Variants in STAU2 observed in about 807,000 individuals in gnomAD.
STAU2 encodes double-stranded RNA-binding protein Staufen homolog 2.
STAU2 carries 20 observed loss-of-function variants against 65.9 expected under a neutral mutation model. The ratio of observed to expected loss-of-function variants is 0.30; its 90% CI spans 0.21 to 0.44. The LOEUF (loss-of-function observed/expected upper bound fraction) is 0.44, where lower values mean the gene tolerates loss of function less well. Ranked by LOEUF, STAU2 falls within the 20% of genes least tolerant of loss-of-function variation. The probability of loss-of-function intolerance (pLI) is 1.00; values close to 1 mark genes in which losing one functional copy is unlikely to be tolerated. For synonymous variants in STAU2, 232 were observed against 233.9 expected, an observed-to-expected ratio of 0.99 and a Z score of 0.07; for missense variants, 558 against 683.9, an observed-to-expected ratio of 0.82 and a Z score of 2.05.
chr8:73,649,234 T>C (rs1275338216), intron 6 of STAU2, among the ~76,000 whole-genome samples: 1 of 152,236 alleles, frequency 6.6e-6, no homozygotes, highest in African/African-American at 2.4e-5. Context: ...TATTCTTGTT[T>C]CTAACTCAGC....
intron 12 of STAU2, among the ~76,000 whole-genome samples, chr8:73,571,251 C>T (rs1809062576): frequency 6.6e-6 from 1 of 152,122 alleles, no homozygotes; most frequent in Non-Finnish European, 1.5e-5. Context: ...TAAAGCAAGA[C>T]CTTAGAGACC....
At chr8:73,613,596 A>C (rs1812625020) in intron 9 of STAU2, 148 bp downstream of exon 9, 1 of 533,336 alleles carries the variant, frequency 1.9e-6, no homozygotes, top group East Asian at 3.1e-5. Context: ...TAGAATTGTC[A>C]TTAATTTATA....
intron 13 of STAU2, among the ~76,000 whole-genome samples, chr8:73,469,788 C>A (rs1038444787): frequency 6.6e-6 from 1 of 152,278 alleles, no homozygotes; most frequent in South Asian, 2.1e-4. Context: ...TCAGATTAAA[C>A]CTCGAATTAG....
At chr8:73,732,292 A>G (rs1806123366) in intron 3 of STAU2, among the ~76,000 whole-genome samples, 1 of 152,204 alleles carries the variant, frequency 6.6e-6, no homozygotes, top group Non-Finnish European at 1.5e-5. Flanking sequence ...GGTTGGGGGT[A>G]GTGAGGGGAA....
chr8:73,527,927 A>C, intron 13 of STAU2: 1 of 540,698 alleles, frequency 1.8e-6, no homozygotes, highest in Non-Finnish European at 3.3e-6. Flanking sequence ...ACCTTATTGA[A>C]CCCCTCCAAT....
chr8:73,629,649 G>T (rs535467954), intron 6 of STAU2, among the ~76,000 whole-genome samples: 1 of 152,246 alleles, frequency 6.6e-6, no homozygotes, highest in East Asian at 1.9e-4. Context: ...TCATTTAAGG[G>T]TCTTAGAAAT....
At chr8:73,682,231 A>G (rs1818482868) in intron 5 of STAU2, among the ~76,000 whole-genome samples, 1 of 152,162 alleles carries the variant, frequency 6.6e-6, no homozygotes, top group African/African-American at 2.4e-5. Flanking sequence ...AAGCCACAAA[A>G]CAAGTCACAG....
At chr8:73,620,860 C>T (rs1813174666) in intron 6 of STAU2, among the ~76,000 whole-genome samples, 1 of 152,106 alleles carries the variant, frequency 6.6e-6, no homozygotes, top group Non-Finnish European at 1.5e-5. Context: ...TATCACATCT[C>T]CTCATACCAT....
At chr8:73,666,860 T>G (rs1300584941) in intron 6 of STAU2, among the ~76,000 whole-genome samples, 3 of 152,314 alleles carry the variant, frequency 2.0e-5, no homozygotes, top group Admixed American at 2.0e-4. Context: ...AAACCTATTC[T>G]GAAAGCTCTA....
At chr8:73,572,552 C>T (rs544029744) in intron 12 of STAU2, among the ~76,000 whole-genome samples, 25 of 152,246 alleles carry the variant, frequency 1.6e-4, no homozygotes, top group Non-Finnish European at 2.4e-4. Flanking sequence ...TTATCCACCA[C>T]GATCAAGTTG....
At chr8:73,662,510 T>C (rs1008257476) in intron 6 of STAU2, among the ~76,000 whole-genome samples, 2 of 152,266 alleles carry the variant, frequency 1.3e-5, no homozygotes, top group Admixed American at 6.5e-5. Flanking sequence ...TATTTTCTTC[T>C]GGAAATTTTA....
At position 73,642,640 on chromosome 8, in the gene STAU2, C is replaced by T. The variant is rs77337422; in HGVS notation, c.411-25189G>A. Among the ~76,000 whole-genome samples, 115 of 152,302 alleles carry T rather than the reference C, an allele frequency of 7.6e-4. 2 individuals carry two copies. The East Asian group carries it at 0.021, about 28-fold the overall frequency. ...CTCTCCTGCTTTACCTCTTTTATCA[C>T]TGCTTTTCTTTATTTTATCTGCTTT... On this transcript the variant is annotated intron_variant, in intron 6 of 14. Coordinates refer to ENST00000524300, the MANE Select transcript of STAU2 (RefSeq NM_001164380.2).
chr8:73,521,699 C>T (rs4737388), intron 13 of STAU2, among the ~76,000 whole-genome samples: 9,562 of 152,214 alleles, frequency 0.063, 492 homozygotes, highest in Admixed American at 0.14. Context: ...CAAACTGCAC[C>T]TTCCAGTCAG....
At chr8:73,439,371 C>T (rs954312868) in intron 13 of STAU2, 1 of 248,928 alleles carries the variant, frequency 4.0e-6, no homozygotes, top group Non-Finnish European at 7.9e-6. Context: ...AATCCCAGCA[C>T]TTTGGGAGGC....
chr8:73,590,062 G>T (rs890509846), intron 11 of STAU2, among the ~76,000 whole-genome samples: 1 of 149,852 alleles, frequency 6.7e-6, no homozygotes, highest in African/African-American at 2.5e-5. Context: ...GAATAAAGAG[G>T]AGATAGAAGA....
chr8:73,541,166 G>T (rs1340045002), intron 13 of STAU2, among the ~76,000 whole-genome samples: 3 of 152,154 alleles, frequency 2.0e-5, no homozygotes, highest in South Asian at 2.1e-4. Context: ...GAACGCTAAA[G>T]CTTTATAGGC....
chr8:73,729,376 G>A (rs555580107), intron 3 of STAU2, among the ~76,000 whole-genome samples: 7 of 152,222 alleles, frequency 4.6e-5, no homozygotes, highest in East Asian at 3.9e-4. Flanking sequence ...TTCGCATTAC[G>A]TCTTTGTTTG....
chr8:73,513,959 T>C (rs1226722906), intron 13 of STAU2, among the ~76,000 whole-genome samples: 1 of 152,222 alleles, frequency 6.6e-6, no homozygotes, highest in Non-Finnish European at 1.5e-5. Flanking sequence ...CTTGGAGCAC[T>C]ATAGTTTGTC....
chr8:73,593,421 A>C (rs1236649414), intron 11 of STAU2, among the ~76,000 whole-genome samples: 1 of 152,220 alleles, frequency 6.6e-6, no homozygotes, highest in East Asian at 1.9e-4. Context: ...CACTCCCTGC[A>C]CTTAAAGAAC....
Sources: allele counts gnomAD v4.1 joint callset (sites outside exome capture counted in the v4.1 genomes callset), GRCh38; gene constraint gnomAD v4.1.1; transcripts MANE v1.5; gene names NCBI Gene and HGNC (gene_info 2026-07-23, HGNC 2026-07-21).